NKAIN3: variants seen among roughly 807,000 people sequenced by gnomAD.
NKAIN3 encodes sodium/potassium-transporting ATPase subunit beta-1-interacting protein 3.
A neutral mutation model predicts 30.2 loss-of-function variants in NKAIN3; 25 were observed. The observed-to-expected ratio is 0.83, with a 90% confidence interval of 0.60 to 1.16. NKAIN3 has a LOEUF of 1.16. NKAIN3 is among the 50% of genes most tolerant of loss of function. The pLI, the probability that NKAIN3 is intolerant of heterozygous loss-of-function variation, is 0.00. For missense variants in NKAIN3, 225 were observed against 254.1 expected (o/e 0.89, Z 0.78); for synonymous variants, 91 against 89.6 (o/e 1.02, Z -0.09).
At chr8:62,343,903 ATTCT>A (rs1315906624) in intron 1 of NKAIN3, among the ~76,000 whole-genome samples, 3 of 152,122 alleles carry the variant, frequency 2.0e-5, no homozygotes, top group African/African-American at 7.2e-5. Flanking sequence ...TCACATTTTG[ATTCT>A]TTATGGATGA....
At chr8:62,427,655 G>A (rs1034891338) in intron 1 of NKAIN3, among the ~76,000 whole-genome samples, 18 of 151,666 alleles carry the variant, frequency 1.2e-4, no homozygotes, top group African/African-American at 4.4e-4. Flanking sequence ...TGTTTTCTGT[G>A]GCATTTTCAA....
chr8:62,818,575 C>A (rs202173318), intron 4 of NKAIN3, among the ~76,000 whole-genome samples: 1 of 151,252 alleles, frequency 6.6e-6, no homozygotes, highest in Non-Finnish European at 1.5e-5. Flanking sequence ...GTTCACATAG[C>A]AAATTCTTTT....
intron 1 of NKAIN3, among the ~76,000 whole-genome samples, chr8:62,509,735 T>C (rs1324201840): frequency 6.6e-6 from 1 of 152,166 alleles, no homozygotes; most frequent in African/African-American, 2.4e-5. Context: ...ATCGTAACTC[T>C]CCTAAATATT....
In NKAIN3 at chr8:62,983,669, G is replaced by A. The variant is rs968096855; in HGVS notation, c.*18262G>A. ...CTCCTAGACCGCCCCATTCATCTGA[G>A]TAGTTAGGGCTCTGGATGAAGGAGC... On this transcript the variant is annotated 3_prime_UTR_variant, in exon 7 of 7. Transcript: ENST00000623646. The A allele has an allele frequency of 1.3e-5, 2 of 152,166 alleles. No individual in the cohort carries two copies. Among genetic ancestry groups the A allele is most frequent in the Admixed American group, 6.5e-5 (1 of 15,268 alleles). 9.4% of individuals were successfully genotyped at this position (152,166 alleles called of 1,614,324 possible).
At chr8:62,660,762 A>C (rs1812919744) in intron 3 of NKAIN3, among the ~76,000 whole-genome samples, 1 of 152,200 alleles carries the variant, frequency 6.6e-6, no homozygotes, top group South Asian at 2.1e-4. Context: ...CTAAATACTA[A>C]AACACACTGA....
At position 62,381,143 on chromosome 8, in the gene NKAIN3, A is replaced by G. The variant is rs939624033; in HGVS notation, c.54+132016A>G. Reference sequence around the variant, plus strand: ...AAAGTGAATAAAGTATTATTTCCATACTTTCCAAGGCTCTTTATCATTTCT... The same window carrying G: ...AAAGTGAATAAAGTATTATTTCCATGCTTTCCAAGGCTCTTTATCATTTCT... On this transcript the variant is annotated intron_variant, in intron 1 of 6. Coordinates refer to ENST00000623646, the MANE Select transcript of NKAIN3 (RefSeq NM_001304533.3). Among the ~76,000 whole-genome samples, 4 of 152,278 alleles carry G rather than the reference A, an allele frequency of 2.6e-5. No homozygotes were observed. The East Asian group carries it at 7.7e-4, about 29-fold the overall frequency.
intron 4 of NKAIN3, chr8:62,856,313 T>A: frequency 1.1e-6 from 1 of 920,730 alleles, no homozygotes; most frequent in Non-Finnish European, 1.8e-6. Context: ...TCACTATATC[T>A]TTGATGAGCT....
At chr8:62,652,607 A>T (rs1209392374) in intron 3 of NKAIN3, among the ~76,000 whole-genome samples, 3 of 152,144 alleles carry the variant, frequency 2.0e-5, no homozygotes, top group Non-Finnish European at 2.9e-5. Flanking sequence ...GAGGGAGATT[A>T]TTTGGGGTAA....
intron 1 of NKAIN3, among the ~76,000 whole-genome samples, chr8:62,396,476 T>C (rs1817769873): frequency 6.6e-6 from 1 of 152,218 alleles, no homozygotes; most frequent in Admixed American, 6.5e-5. Context: ...GAATTAATTC[T>C]CAGATATTCC....
At chr8:62,436,888 A>C (rs1413405942) in intron 1 of NKAIN3, among the ~76,000 whole-genome samples, 1 of 152,202 alleles carries the variant, frequency 6.6e-6, no homozygotes, top group African/African-American at 2.4e-5. Flanking sequence ...GAAAAACTGT[A>C]ACTGTAATGT....
chr8:62,264,456 C>T (rs920863885), intron 1 of NKAIN3, among the ~76,000 whole-genome samples: 3 of 152,106 alleles, frequency 2.0e-5, no homozygotes, highest in Admixed American at 6.6e-5. Context: ...AACAAGGTAA[C>T]GATATTGTAA....
intron 1 of NKAIN3, among the ~76,000 whole-genome samples, chr8:62,269,055 A>C (rs1047286061): frequency 6.6e-6 from 1 of 152,136 alleles, no homozygotes; most frequent in Non-Finnish European, 1.5e-5. Flanking sequence ...TGTCCCTGTC[A>C]TTGCTGTTCC....
At chr8:62,319,072 G>A (rs1814773505) in intron 1 of NKAIN3, among the ~76,000 whole-genome samples, 2 of 152,174 alleles carry the variant, frequency 1.3e-5, no homozygotes, top group African/African-American at 4.8e-5. Context: ...GAGGGTGTAT[G>A]TGTCAAGGAA....
downstream of NKAIN3, among the ~76,000 whole-genome samples, chr8:62,989,254 G>A (rs555607623): frequency 3.3e-5 from 5 of 152,268 alleles, no homozygotes; most frequent in Admixed American, 3.3e-4. Context: ...TTACAGAGGT[G>A]CACCACCATC....
intron 1 of NKAIN3, among the ~76,000 whole-genome samples, chr8:62,310,715 G>A (rs553570692): frequency 1.3e-5 from 2 of 150,218 alleles, no homozygotes; most frequent in African/African-American, 5.0e-5. Context: ...GCGCATCCTC[G>A]GGGGTTGTAC....
chr8:62,921,533 C>G (rs528916158), intron 5 of NKAIN3, among the ~76,000 whole-genome samples: 2 of 152,246 alleles, frequency 1.3e-5, no homozygotes, highest in East Asian at 3.9e-4. Context: ...TTAGTTACCT[C>G]TCAGCCTCTT....
intron 4 of NKAIN3, among the ~76,000 whole-genome samples, chr8:62,794,496 C>G (rs973940183): frequency 1.3e-5 from 2 of 152,130 alleles, no homozygotes; most frequent in African/African-American, 4.8e-5. Flanking sequence ...TACCCACCCC[C>G]CCACCAAATC....
intron 1 of NKAIN3, among the ~76,000 whole-genome samples, chr8:62,416,865 A>G (rs2129596422): frequency 6.6e-6 from 1 of 151,922 alleles, no homozygotes; most frequent in African/African-American, 2.4e-5. Flanking sequence ...ATGGTGGCGC[A>G]CCAGTAATCC....
intron 1 of NKAIN3, among the ~76,000 whole-genome samples, chr8:62,396,359 G>A (rs1357633826): frequency 6.6e-6 from 1 of 152,164 alleles, no homozygotes; most frequent in Non-Finnish European, 1.5e-5. Context: ...CGGTGCCTAA[G>A]CCTATACTCT....
Sources: gnomAD v4.1 joint callset for allele counts (sites outside exome capture counted in the v4.1 genomes callset) on GRCh38, gnomAD v4.1.1 for gene constraint, MANE v1.5 for transcripts, NCBI Gene and HGNC (gene_info 2026-07-23, HGNC 2026-07-21) for gene names.